Variants in PITPNA observed in about 807,000 individuals in gnomAD.
PITPNA encodes phosphatidylinositol transfer protein alpha.
In PITPNA, 13 loss-of-function variants were observed where a neutral mutation model predicts 50.3. The observed-to-expected ratio is 0.26, with a 90% CI of 0.17 to 0.41. The LOEUF (loss-of-function observed/expected upper bound fraction) is 0.41, where lower values mean the gene tolerates loss of function less well. Among genes scored for constraint, PITPNA ranks in the 10% least tolerant of loss-of-function variants. PITPNA has a pLI of 1.00. For synonymous variants in PITPNA, 120 were observed against 119.6 expected (o/e 1.00, Z -0.02); for missense variants, 207 against 333.4 (o/e 0.62, Z 2.95).
chr17:1,522,823 G>A (rs904131592), intron 10 of PITPNA, among the ~76,000 whole-genome samples: 4 of 152,182 alleles, frequency 2.6e-5, no homozygotes, highest in African/African-American at 9.7e-5. Flanking sequence ...CTAGGACTGT[G>A]GGCTGCTCGG....
intron 3 of PITPNA, among the ~76,000 whole-genome samples, chr17:1,548,994 A>T (rs73296998): frequency 0.1 from 15,331 of 152,072 alleles, 898 homozygotes; most frequent in East Asian, 0.14. Flanking sequence ...CTCCACCTCC[A>T]GGGTCCCAGT....
chr17:1,543,381 C>T (rs1478258979), intron 4 of PITPNA, among the ~76,000 whole-genome samples: 9 of 152,182 alleles, frequency 5.9e-5, no homozygotes, highest in Non-Finnish European at 1.5e-5. Flanking sequence ...CGCCTCCCAC[C>T]CCTACCCCAG....
Position 1,555,674 on chromosome 17 carries a change from A to C in PITPNA, c.52-2525T>G, listed in dbSNP as rs150967563. 5.4e-4 allele frequency among the ~76,000 whole-genome samples: 82 copies of C among 152,332 alleles called. No homozygotes were observed. The East Asian group carries it at 0.014, about 26-fold the overall frequency. ...CAGTGGGTGGGCCTGAAATACTGAC[A>C]TGAAACACGTCATAAACAACAGTAC... On this transcript the variant is annotated intron_variant, in intron 2 of 11. Transcript: ENST00000313486.
chr17:1,525,221 C>A (rs190810135), intron 10 of PITPNA, among the ~76,000 whole-genome samples: 446 of 152,090 alleles, frequency 2.9e-3, no homozygotes, highest in African/African-American at 0.01. Context: ...AACTTCTGAC[C>A]TCATGATCCG....
chr17:1,539,044 T>C (rs768673207), intron 6 of PITPNA, 92 bp from the exon 7 acceptor site: 35 of 719,248 alleles, frequency 4.9e-5, no homozygotes, highest in South Asian at 2.2e-4. Flanking sequence ...GCCATTCCCA[T>C]AGCCACAGAT....
Position 1,521,635 on chromosome 17 carries a change from T to G in PITPNA, c.779A>C (p.Lys260Thr). 1.9e-6 allele frequency: 3 copies of G among 1,612,976 alleles called. No homozygotes were observed. Among genetic ancestry groups the G allele is most frequent in the Non-Finnish European group, 2.5e-6 (3 of 1,179,046 alleles). The change falls in exon 11 of 12, where the codon AAG (lysine) becomes ACG (threonine). Residue 260 changes from lysine to threonine, a missense_variant. Lys to Thr is a moderately conservative substitution (Grantham distance 78). Coordinates refer to ENST00000313486, the MANE Select transcript of PITPNA (RefSeq NM_006224.4). ...TKRQLDEMRQ[K>T]DPVKGMTADD The stretch of plus-strand genomic sequence containing the variant: ...TGCTGTCATTCCTTTCACTGGGTCC[T>G]TTTGTCTCATCTGGAACAAAAAAAG...
At chr17:1,528,747 AAAAAAG>A (rs1051015250) in intron 10 of PITPNA, among the ~76,000 whole-genome samples, 5 of 151,936 alleles carry the variant, frequency 3.3e-5, no homozygotes, top group African/African-American at 1.2e-4. Context: ...TTAAAAAAAA[AAAAAAG>A]AAAAGAAAAC....
At chr17:1,540,337 C>A (rs957853722) in intron 6 of PITPNA, among the ~76,000 whole-genome samples, 1 of 152,192 alleles carries the variant, frequency 6.6e-6, no homozygotes, top group African/African-American at 2.4e-5. Flanking sequence ...AGTAACTCCT[C>A]TTCTTGCTTG....
intron 3 of PITPNA, among the ~76,000 whole-genome samples, chr17:1,548,837 G>A (rs1359910535): frequency 6.6e-6 from 1 of 152,206 alleles, no homozygotes; most frequent in Non-Finnish European, 1.5e-5. Flanking sequence ...TCAGCTCTGA[G>A]AGGCCAGGAG....
rs2075513154 is a variant in PITPNA at position 1,521,604 on chromosome 17, G to A, written c.810C>T (p.Asp270=). The change falls in exon 11 of 12, where the codon GAC becomes GAT. Residue 270 remains aspartate, a synonymous_variant. Coordinates refer to ENST00000313486, the MANE Select transcript of PITPNA (RefSeq NM_006224.4). ...KDPVKGMTAD[D] ...AGTGCAGAGGGGAAAGGCGGCTTTA[G>A]TCATCTGCTGTCATTCCTTTCACTG... 6.2e-7 allele frequency: 1 copy of A among 1,613,130 alleles called. No homozygotes were observed. The highest frequency in any genetic ancestry group is 8.5e-7 in the Non-Finnish European group (1 of 1,179,090).
chr17:1,537,166 C>T (rs926516950), intron 7 of PITPNA, among the ~76,000 whole-genome samples: 9 of 151,956 alleles, frequency 5.9e-5, no homozygotes, highest in South Asian at 2.1e-4. Flanking sequence ...TGGGTTCAAG[C>T]GATTCTCCTG....
chr17:1,538,846 C>G lies in PITPNA; in HGVS notation c.456+23G>C, dbSNP rs137905195. ...GTCATTTCTGCGTCTCGAAGGCCACCCACGTCTTTAAACGGATCCTACCTT... is the reference window on the plus strand; with the variant it reads ...GTCATTTCTGCGTCTCGAAGGCCACGCACGTCTTTAAACGGATCCTACCTT... On this transcript the variant is annotated intron_variant, in intron 7 of 11. Transcript: ENST00000313486. The G allele has an allele frequency of 3.2e-4, 486 of 1,519,688 alleles. 4 individuals are homozygous for G. The African/African-American group carries it at 5.8e-3, about 18-fold the overall frequency. The allele number at this position is 1,519,688 out of a possible 1,614,324, so 94.1% of individuals were successfully genotyped here.
chr17:1,553,875 G>GTTC (rs2075722044), intron 2 of PITPNA, among the ~76,000 whole-genome samples: 2 of 152,184 alleles, frequency 1.3e-5, no homozygotes, highest in Non-Finnish European at 2.9e-5. Flanking sequence ...ACATTTTCCA[G>GTTC]ATTCCTGGTG....
intron 1 of PITPNA, chr17:1,559,712 C>T (rs929454530): frequency 2.1e-6 from 2 of 951,856 alleles, no homozygotes; most frequent in African/African-American, 3.5e-5. Flanking sequence ...CAAAGGTCCC[C>T]CAGGAAGCAA....
At chr17:1,552,382 T>C (rs2075714088) in intron 3 of PITPNA, among the ~76,000 whole-genome samples, 2 of 152,228 alleles carry the variant, frequency 1.3e-5, no homozygotes, top group Non-Finnish European at 2.9e-5. Context: ...CTGCTCACAG[T>C]TTGCTGAAAC....
chr17:1,552,111 G>GGAAAA (rs2075712887), intron 3 of PITPNA, among the ~76,000 whole-genome samples: 1 of 152,236 alleles, frequency 6.6e-6, no homozygotes, highest in African/African-American at 2.4e-5. Flanking sequence ...CCAAATGAAA[G>GGAAAA]TCAATTGATT....
Position 1,541,559 on chromosome 17 carries a change from T to A in PITPNA, c.372+7A>T. The A allele has an allele frequency of 6.2e-7, 1 of 1,607,350 alleles. No individual in the cohort carries two copies. Among genetic ancestry groups the A allele is most frequent in the Non-Finnish European group, 8.5e-7 (1 of 1,173,848 alleles). ...CACCCCTGGGGCTTTTGGGAACTAC[T>A]ACTCACATTCTCCTGCGTGCCAAGA... is the stretch of plus-strand genomic sequence containing the variant. On this transcript the variant is annotated splice_region_variant and intron_variant, in intron 6 of 11. Coordinates refer to ENST00000313486, the MANE Select transcript of PITPNA (RefSeq NM_006224.4).
Position 1,562,529 on chromosome 17 carries a change from C to A in PITPNA, c.20+12G>T, listed in dbSNP as rs1232153006. 7.0e-7 allele frequency: 1 copy of A among 1,435,980 alleles called. No individual in the cohort carries two copies. The highest frequency in any genetic ancestry group is 9.2e-7 in the Non-Finnish European group (1 of 1,089,134). The allele number at this position is 1,435,980 out of a possible 1,614,324, so 89.0% of individuals were successfully genotyped here. On this transcript the variant is annotated intron_variant, in intron 1 of 11. Transcript: ENST00000313486. This position sits in a 1 kb window ranked among gnomAD's most constrained non-coding sequence, Gnocchi z 6.4. ...CCTCCTCCCCGCTTCCGCACGGCCG[C>A]CGGACACTCACTACTCCTTGAGCAG...
At chr17:1,555,885 G>A (rs2075732732) in intron 2 of PITPNA, among the ~76,000 whole-genome samples, 2 of 152,336 alleles carry the variant, frequency 1.3e-5, no homozygotes, top group African/African-American at 4.8e-5. Context: ...CTCAGGGTTA[G>A]ACCAAAGGCT....
Sources: gnomAD v4.1 joint callset for allele counts (sites outside exome capture counted in the v4.1 genomes callset) on GRCh38, gnomAD v4.1.1 for gene constraint, Gnocchi (gnomAD v3.1) non-coding constraint, MANE v1.5 for transcripts, NCBI Gene and HGNC (gene_info 2026-07-23, HGNC 2026-07-21) for gene names.